Variants in ITPR1 observed in about 807,000 individuals in gnomAD.
The protein encoded by ITPR1 is inositol 1,4,5-trisphosphate receptor type 1.
A neutral mutation model predicts 318.4 loss-of-function variants in ITPR1; 96 were observed. The observed-to-expected ratio is 0.30, with a 90% CI of 0.26 to 0.36. ITPR1 has a LOEUF of 0.36. ITPR1 is among the 10% of genes least tolerant of loss of function. The pLI, the probability that ITPR1 is intolerant of heterozygous loss-of-function variation, is 1.00. For missense variants in ITPR1, 2,440 were observed against 3,460.2 expected, an observed-to-expected ratio of 0.71 and a Z score of 7.40; for synonymous variants, 1,312 against 1,289.9, an observed-to-expected ratio of 1.02 and a Z score of -0.37.
chr3:4,655,018 A>T (rs138337772), intron 12 of ITPR1, among the ~76,000 whole-genome samples: 1 of 152,228 alleles, frequency 6.6e-6, no homozygotes, highest in African/African-American at 2.4e-5. Flanking sequence ...TTGCTTCCAC[A>T]GTTAATATGG....
intron 4 of ITPR1, among the ~76,000 whole-genome samples, chr3:4,624,117 C>T (rs946508597): frequency 6.6e-6 from 1 of 152,098 alleles, no homozygotes; most frequent in African/African-American, 2.4e-5. Flanking sequence ...CCCTGAGTGT[C>T]CCCCACATCT....
chr3:4,805,075 A>C (rs1419085196), intron 54 of ITPR1, among the ~76,000 whole-genome samples: 1 of 151,898 alleles, frequency 6.6e-6, no homozygotes, highest in Non-Finnish European at 1.5e-5. Context: ...TTCAGTTAGG[A>C]CTCCTTCAGT....
intron 30 of ITPR1, among the ~76,000 whole-genome samples, chr3:4,687,325 A>G (rs2094411173): frequency 6.6e-6 from 1 of 152,208 alleles, no homozygotes; most frequent in African/African-American, 2.4e-5. Context: ...ATCACTGTCT[A>G]AGCACTTCAT....
intron 38 of ITPR1, among the ~76,000 whole-genome samples, chr3:4,711,165 C>T (rs559740333): frequency 5.1e-4 from 73 of 144,352 alleles, no homozygotes; most frequent in Non-Finnish European, 9.3e-4. Context: ...GAGCCAAGAT[C>T]GCGCTACTGC....
At chr3:4,838,347 C>T (rs115627865) in intron 61 of ITPR1, among the ~76,000 whole-genome samples, 143 of 149,434 alleles carry the variant, frequency 9.6e-4, no homozygotes, top group African/African-American at 2.8e-3. Flanking sequence ...ACCCGCCCCC[C>T]GCCGTGAAAC....
At chr3:4,840,796 G>C (rs1297252753) in intron 61 of ITPR1, among the ~76,000 whole-genome samples, 1 of 152,142 alleles carries the variant, frequency 6.6e-6, no homozygotes, top group Non-Finnish European at 1.5e-5. Flanking sequence ...ATTCCAAGGA[G>C]GAGAACTAAT....
intron 32 of ITPR1, 113 bp from the exon 33 acceptor site, chr3:4,693,377 A>G (rs945428608): frequency 4.2e-6 from 5 of 1,187,528 alleles, no homozygotes; most frequent in Non-Finnish European, 4.9e-6. Flanking sequence ...GGTAAGACTG[A>G]TTTGGGAAGA....
intron 40 of ITPR1, among the ~76,000 whole-genome samples, chr3:4,721,044 A>G (rs1439295217): frequency 1.3e-5 from 2 of 151,546 alleles, no homozygotes; most frequent in Admixed American, 6.6e-5. Flanking sequence ...ACTGTTAGAC[A>G]CTGGCAACCA....
In ITPR1 at chr3:4,683,684, C is replaced by G; in HGVS notation, c.3384C>G (p.Asp1128Glu). The change falls in exon 28 of 62, where the codon GAC becomes GAG. Residue 1128 changes from aspartate to glutamate, a missense_variant. By Grantham distance (45) the Asp-to-Glu change is conservative. Coordinates refer to ENST00000649015, the MANE Select transcript of ITPR1 (RefSeq NM_001378452.1). ...DVDNYKQIKQ[D>E]LDQLRSIVEK... ...ACAACTACAAACAGATCAAACAAGACTTGGATCAACTGAGGTCCATCGTGG... is the reference window on the plus strand; with the variant it reads ...ACAACTACAAACAGATCAAACAAGAGTTGGATCAACTGAGGTCCATCGTGG... 2 of 1,614,050 alleles carry G rather than the reference C, an allele frequency of 1.2e-6. No individual in the cohort carries two copies. The highest frequency in any genetic ancestry group is 1.7e-6 in the Non-Finnish European group (2 of 1,179,906).
chr3:4,607,496 G>A (rs2091783722), intron 4 of ITPR1, among the ~76,000 whole-genome samples: 1 of 152,160 alleles, frequency 6.6e-6, no homozygotes, highest in Admixed American at 6.5e-5. Context: ...CCCAAATGGG[G>A]CCGATTGATC....
chr3:4,836,247 G>A (rs1349426955), intron 60 of ITPR1, among the ~76,000 whole-genome samples: 2 of 152,114 alleles, frequency 1.3e-5, no homozygotes, highest in East Asian at 3.9e-4. Context: ...GGTTGCCCGG[G>A]GCCGGCGGGA....
intron 4 of ITPR1, among the ~76,000 whole-genome samples, chr3:4,594,145 G>A (rs566348626): frequency 1.4e-4 from 22 of 152,154 alleles, no homozygotes; most frequent in Non-Finnish European, 3.1e-4. Flanking sequence ...GAAGTTGAAG[G>A]AGTCTCCATC....
chr3:4,499,978 T>C (rs548685911), intron 2 of ITPR1, among the ~76,000 whole-genome samples: 3 of 152,336 alleles, frequency 2.0e-5, no homozygotes, highest in East Asian at 3.9e-4. Flanking sequence ...TCTTGTTATA[T>C]GAGCACCCCT....
intron 33 of ITPR1, among the ~76,000 whole-genome samples, chr3:4,696,150 A>C (rs2094554499): frequency 6.6e-6 from 1 of 152,208 alleles, no homozygotes; most frequent in Admixed American, 6.5e-5. Flanking sequence ...ACTTGTTTAA[A>C]GTGTACAATT....
rs1320122211 is a variant in ITPR1 at position 4,633,166 on chromosome 3, G to A, written c.279+5288G>A. 2.6e-5 allele frequency among the ~76,000 whole-genome samples: 4 copies of A among 152,162 alleles called. No individual in the cohort carries two copies. In the East Asian group the frequency reaches 5.8e-4, roughly 22 times the overall value. ...TTGGCCAGGATGGTCTCGATCTCCT[G>A]AACTCATGATCCACCTGCCTTGGCC... On this transcript the variant is annotated intron_variant, in intron 5 of 61. Coordinates refer to ENST00000649015, the MANE Select transcript of ITPR1 (RefSeq NM_001378452.1).
chr3:4,726,857 C>T (rs776253804), intron 41 of ITPR1, among the ~76,000 whole-genome samples: 4 of 152,156 alleles, frequency 2.6e-5, no homozygotes, highest in Admixed American at 6.5e-5. Flanking sequence ...TTTTCATGAT[C>T]TTTGCAATAA....
At chr3:4,699,360 AC>A (rs11290822) in intron 34 of ITPR1, among the ~76,000 whole-genome samples, 57,618 of 150,770 alleles carry the variant, frequency 0.38, 13,538 homozygotes, top group Non-Finnish European at 0.55. Context: ...CTATCTCAAA[AC>A]AAAAAAAGGA....
Position 4,613,046 on chromosome 3 carries a change from A to G in ITPR1, c.164-14717A>G, listed in dbSNP as rs142418187. Among the ~76,000 whole-genome samples the G allele has an allele frequency of 5.5e-3, 842 of 152,320 alleles. 6 individuals are homozygous for G. Among genetic ancestry groups the G allele is most frequent in the African/African-American group, 0.019 (783 of 41,570 alleles). On this transcript the variant is annotated intron_variant, in intron 4 of 61. Transcript: ENST00000649015. Reference sequence around the variant, plus strand: ...ACACAGTCTCTGGAAGTCCTGAGACATGGGCCCAAGGTGGTTGGGGGTACA... The same window carrying G: ...ACACAGTCTCTGGAAGTCCTGAGACGTGGGCCCAAGGTGGTTGGGGGTACA...
chr3:4,697,961 C>G (rs1169381440), intron 34 of ITPR1, among the ~76,000 whole-genome samples: 9 of 152,264 alleles, frequency 5.9e-5, no homozygotes. Context: ...CATTTGTCTC[C>G]TGCAATCTGA....
Sources: gnomAD v4.1 joint callset for allele counts (sites outside exome capture counted in the v4.1 genomes callset) on GRCh38, gnomAD v4.1.1 for gene constraint, MANE v1.5 for transcripts, NCBI Gene and HGNC (gene_info 2026-07-23, HGNC 2026-07-21) for gene names.